Variants in BDP1 observed in about 807,000 individuals in gnomAD.
The protein encoded by BDP1 is transcription factor TFIIIB component B'' homolog.
BDP1 carries 169 observed loss-of-function variants against 266.6 expected under a neutral mutation model. That is an observed-to-expected ratio of 0.63 (90% confidence interval 0.56 to 0.72). The LOEUF (loss-of-function observed/expected upper bound fraction) is 0.72. Among genes scored for constraint, BDP1 ranks in the 30% least tolerant of loss-of-function variants. The probability of loss-of-function intolerance (pLI) is 0.00; values close to 1 mark genes in which losing one functional copy is unlikely to be tolerated. For synonymous variants in BDP1, 1,090 were observed against 1,022.4 expected (o/e 1.07, Z -1.26); for missense variants, 3,015 against 3,053.8 (o/e 0.99, Z 0.30).
At chr5:71,562,226 AT>A in intron 37 of BDP1, 47 bp from the exon 38 acceptor site, 1 of 981,798 alleles carries the variant, frequency 1.0e-6, no homozygotes, top group South Asian at 1.7e-5. Flanking sequence ...AAAAAAAAGA[AT>A]GTGTCTTCCT....
Position 71,509,837 on chromosome 5 carries a change from G to A in BDP1, c.2745G>A (p.Thr915=), listed in dbSNP as rs545273365. ...GAGAGATTTGTCTAAGGGAGAAGACGCCAGAGGTGATTGATGCCACTGAGG... is the reference window on the plus strand; with the variant it reads ...GAGAGATTTGTCTAAGGGAGAAGACACCAGAGGTGATTGATGCCACTGAGG... ...MGREICLREK[T]PEVIDATEEI... Residue 915 remains threonine, a synonymous_variant, in exon 17 of 39, where the codon ACG becomes ACA. Transcript: ENST00000358731. 435 of 1,613,814 alleles carry A rather than the reference G, an allele frequency of 2.7e-4. 1 individual carries two copies. The highest frequency in any genetic ancestry group is 3.3e-4 in the Non-Finnish European group (384 of 1,179,934).
intron 30 of BDP1, among the ~76,000 whole-genome samples, chr5:71,542,500 GTCTC>G (rs1410325495): frequency 2.0e-5 from 3 of 151,858 alleles, no homozygotes; most frequent in South Asian, 2.1e-4. Flanking sequence ...TTCTCTCTCT[GTCTC>G]TCTCTTTCTC....
intron 19 of BDP1, among the ~76,000 whole-genome samples, 176 bp from the exon 20 acceptor site, chr5:71,514,768 C>T (rs1257667361): frequency 6.6e-6 from 1 of 151,996 alleles, no homozygotes; most frequent in African/African-American, 2.4e-5. Context: ...GTGTATATTT[C>T]TACTTGTTGA....
chr5:71,521,927 G>A (rs533022152), intron 22 of BDP1, among the ~76,000 whole-genome samples: 1 of 150,074 alleles, frequency 6.7e-6, no homozygotes, highest in African/African-American at 2.4e-5. Context: ...TGTGTTTAAA[G>A]TGCCATTATG....
At position 71,566,656 on chromosome 5, in the gene BDP1, A is replaced by G. The variant is rs1298450954; in HGVS notation, c.*1771A>G. The G allele has an allele frequency of 6.6e-6, 1 of 152,210 alleles. No individual in the cohort carries two copies. Among genetic ancestry groups the G allele is most frequent in the Non-Finnish European group, 1.5e-5 (1 of 68,024 alleles). 9.4% of individuals were successfully genotyped at this position (152,210 alleles called of 1,614,324 possible). A position where few individuals can be genotyped will look rare whatever the true frequency, so the allele number is the denominator to read the frequency against. ...CAGTGTGAAAGAAGCCATAGACAGTACTTGAATGAAGGACTGTGGCTGGAT... is the reference window on the plus strand; with the variant it reads ...CAGTGTGAAAGAAGCCATAGACAGTGCTTGAATGAAGGACTGTGGCTGGAT... On this transcript the variant is annotated 3_prime_UTR_variant, in exon 39 of 39. Coordinates refer to ENST00000358731, the MANE Select transcript of BDP1 (RefSeq NM_018429.3).
chr5:71,467,400 G>A lies in BDP1; in HGVS notation c.832G>A (p.Glu278Lys), dbSNP rs906822156. ...LRTKGPCVVE[E>K]NDPIFERGST... ...AACAAAAGGCCCTTGTGTTGTTGAA[G>A]AAAATGACCCCATATTTGAGCGCGG... The change falls in exon 6 of 39, where the codon GAA becomes AAA. Residue 278 changes from glutamate to lysine, a missense_variant. Coordinates refer to ENST00000358731, the MANE Select transcript of BDP1 (RefSeq NM_018429.3). The A allele has an allele frequency of 5.0e-6, 8 of 1,610,902 alleles. No homozygotes were observed. Among genetic ancestry groups the A allele is most frequent in the Non-Finnish European group, 6.8e-6 (8 of 1,177,464 alleles).
At chr5:71,497,175 A>G (rs1461986628) in intron 12 of BDP1, 95 bp from the exon 13 acceptor site, 2 of 1,112,890 alleles carry the variant, frequency 1.8e-6, no homozygotes, top group Non-Finnish European at 2.6e-6. Context: ...GTAAGCTCTT[A>G]AAGGAGTTCT....
Position 71,564,893 on chromosome 5 carries a change from T to C in BDP1, c.*8T>C. On this transcript the variant is annotated 3_prime_UTR_variant, in exon 39 of 39. Transcript: ENST00000358731. ...GTGGATGAAACAGAATAAAACAATC[T>C]TTTCTCTTTTTCTTTTTTAAATTAG... 6.3e-7 allele frequency: 1 copy of C among 1,576,524 alleles called. No homozygotes were observed. The highest frequency in any genetic ancestry group is 8.6e-7 in the Non-Finnish European group (1 of 1,166,912).
intron 16 of BDP1, among the ~76,000 whole-genome samples, chr5:71,506,758 TTATATA>T (rs67179518): frequency 1.0e-4 from 14 of 135,848 alleles, no homozygotes; most frequent in East Asian, 2.1e-4. Context: ...GTTTGGAGGT[TTATATA>T]TATATATATA....
At chr5:71,541,378 A>C in intron 28 of BDP1, 76 bp from the exon 29 acceptor site, 1 of 611,048 alleles carries the variant, frequency 1.6e-6, no homozygotes, top group South Asian at 3.2e-5. Flanking sequence ...TTTTACAATT[A>C]CTAAATGTTG....
chr5:71,509,488 A>G lies in BDP1; in HGVS notation c.2396A>G (p.Asn799Ser), dbSNP rs2150467776. The change falls in exon 17 of 39, where the codon AAT (asparagine) becomes AGT (serine). Residue 799 changes from asparagine to serine, a missense_variant. Around this residue, in one of 3 missense-constraint regions of BDP1, gnomAD observed 2,383 missense variants for 2,404.9 expected, o/e 0.99. Transcript: ENST00000358731. ...CLSVQENNKA[N>S]KLNQVPILRT... ...AGCGTTCAAGAGAATAATAAGGCAA[A>G]TAAACTTAACCAAGTCCCAATTCTA... The G allele has an allele frequency of 1.3e-6, 2 of 1,585,580 alleles. No individual in the cohort carries two copies. Among genetic ancestry groups the G allele is most frequent in the East Asian group, 2.2e-5 (1 of 44,790 alleles).
chr5:71,460,900 A>G (rs1344130226), intron 2 of BDP1, among the ~76,000 whole-genome samples: 1 of 152,246 alleles, frequency 6.6e-6, no homozygotes, highest in Non-Finnish European at 1.5e-5. Context: ...GTAAGCATAA[A>G]TTCTCAGTGA....
chr5:71,464,658 G>A (rs1250236846), intron 4 of BDP1, among the ~76,000 whole-genome samples: 2 of 150,720 alleles, frequency 1.3e-5, no homozygotes, highest in East Asian at 4.0e-4. Context: ...TCCTGCCTCA[G>A]CCTCCTGAGT....
At chr5:71,516,020 A>G in intron 20 of BDP1, 41 bp from the exon 21 acceptor site, 1 of 1,439,002 alleles carries the variant, frequency 6.9e-7, no homozygotes, top group Non-Finnish European at 9.5e-7. Context: ...TCAGCTTTTT[A>G]CAGTCAAGCG....
intron 17 of BDP1, 81 bp downstream of exon 17, chr5:71,511,232 T>A: frequency 1.5e-6 from 2 of 1,377,458 alleles, no homozygotes; most frequent in Non-Finnish European, 2.0e-6. Flanking sequence ...ATTTTGTCCT[T>A]AAGTCCAACA....
In BDP1 at chr5:71,522,824, T is replaced by C. The variant is rs1765576641; in HGVS notation, c.5262T>C (p.Ser1754=). 2 of 1,613,868 alleles carry C rather than the reference T, an allele frequency of 1.2e-6. No homozygotes were observed. Among genetic ancestry groups the C allele is most frequent in the South Asian group, 2.2e-5 (2 of 91,012 alleles). ...ARKDCVGSKE[S]ALAKIDAELE... is the part of the protein sequence containing the mutation. ...AAGATTGTGTAGGTTCCAAAGAGTCTGCTTTGGCAAAAATAGATGCGGAAT... is the reference window on the plus strand; with the variant it reads ...AAGATTGTGTAGGTTCCAAAGAGTCCGCTTTGGCAAAAATAGATGCGGAAT... Residue 1754 remains serine (S), a synonymous_variant, in exon 24 of 39, where the codon TCT becomes TCC. Transcript: ENST00000358731.
chr5:71,486,725 G>A, intron 9 of BDP1, 98 bp downstream of exon 9: 1 of 995,748 alleles, frequency 1.0e-6, no homozygotes, highest in Non-Finnish European at 1.4e-6. Flanking sequence ...AGCTCAGGTA[G>A]TTAAGATCAT....
At position 71,566,538 on chromosome 5, in the gene BDP1, A is replaced by G. The variant is rs1344490544; in HGVS notation, c.*1653A>G. 6.6e-6 allele frequency: 1 copy of G among 152,146 alleles called. No homozygotes were observed. Among genetic ancestry groups the G allele is most frequent in the African/African-American group, 2.4e-5 (1 of 41,442 alleles). The allele number at this position is 152,146 out of a possible 1,614,324, so 9.4% of individuals were successfully genotyped here. ...TATTTGAAAAGCCTCTTGGATTGAT[A>G]GTATAGTAGCTCAGGCATTGGAAAC... On this transcript the variant is annotated 3_prime_UTR_variant, in exon 39 of 39. Coordinates refer to ENST00000358731, the MANE Select transcript of BDP1 (RefSeq NM_018429.3).
rs771422191 is a variant in BDP1 at position 71,564,905 on chromosome 5, C to T, written c.*20C>T. 53 of 1,572,296 alleles carry T rather than the reference C, an allele frequency of 3.4e-5. No individual in the cohort carries two copies. The East Asian group carries it at 9.9e-4, about 29-fold the overall frequency. Reference sequence around the variant, plus strand: ...GAATAAAACAATCTTTTCTCTTTTTCTTTTTTAAATTAGGTCTAGGATTTC... The same window carrying T: ...GAATAAAACAATCTTTTCTCTTTTTTTTTTTTAAATTAGGTCTAGGATTTC... On this transcript the variant is annotated 3_prime_UTR_variant, in exon 39 of 39. Coordinates refer to ENST00000358731, the MANE Select transcript of BDP1 (RefSeq NM_018429.3).
Sources: allele counts gnomAD v4.1 joint callset (sites outside exome capture counted in the v4.1 genomes callset), GRCh38; gene constraint gnomAD v4.1.1; regional missense constraint gnomAD v4.1.1; transcripts MANE v1.5; gene names NCBI Gene and HGNC (gene_info 2026-07-23, HGNC 2026-07-21).